SPG11: variants seen among roughly 807,000 people sequenced by gnomAD.
The protein encoded by SPG11 is SPG11 vesicle trafficking associated, spatacsin.
A neutral mutation model predicts 274.0 loss-of-function variants in SPG11; 222 were observed. The observed-to-expected ratio is 0.81, with a 90% CI of 0.73 to 0.91. The LOEUF (loss-of-function observed/expected upper bound fraction) is 0.91. SPG11 is among the 40% of genes least tolerant of loss of function. The pLI is 0.00. For synonymous variants in SPG11, 1,144 were observed against 1,039.7 expected (o/e 1.10, Z -1.93); for missense variants, 3,114 against 2,872.7 (o/e 1.08, Z -1.92).
At chr15:44,612,715 T>C (rs763042433) in intron 17 of SPG11, among the ~76,000 whole-genome samples, 4 of 152,162 alleles carry the variant, frequency 2.6e-5, no homozygotes, top group Admixed American at 6.5e-5. Flanking sequence ...TTCTTGATAG[T>C]TGTCTGTGGC....
At chr15:44,631,224 T>C (rs905621594) in intron 8 of SPG11, among the ~76,000 whole-genome samples, 2 of 152,166 alleles carry the variant, frequency 1.3e-5, no homozygotes, top group African/African-American at 2.4e-5. Flanking sequence ...AGAACTAGAA[T>C]AAATCTAAAT....
intron 3 of SPG11, 141 bp from the exon 4 acceptor site, chr15:44,657,437 C>T (rs1400108166): frequency 1.4e-6 from 1 of 719,028 alleles, no homozygotes; most frequent in African/African-American, 1.8e-5. Context: ...AGGCAAGCCC[C>T]CATTATAACA....
chr15:44,635,797 G>C (rs368977787), intron 7 of SPG11, among the ~76,000 whole-genome samples: 9 of 151,506 alleles, frequency 5.9e-5, no homozygotes, highest in East Asian at 5.8e-4. Flanking sequence ...TGCACCTGCA[G>C]TCCCAGCTAT....
At chr15:44,601,581 A>G (rs980120489) in intron 20 of SPG11, among the ~76,000 whole-genome samples, 2 of 144,566 alleles carry the variant, frequency 1.4e-5, no homozygotes, top group Admixed American at 7.0e-5. Flanking sequence ...TTTTTTAAAT[A>G]GAATCTTGCT....
intron 38 of SPG11, 126 bp from the exon 39 acceptor site, chr15:44,564,824 T>TA (rs2082277271): frequency 1.9e-6 from 2 of 1,059,360 alleles, no homozygotes; most frequent in African/African-American, 1.6e-5. Flanking sequence ...CCAATTATGT[T>TA]AAAAGGCTCT....
intron 20 of SPG11, among the ~76,000 whole-genome samples, chr15:44,602,934 CA>C (rs1016775354): frequency 1.3e-5 from 2 of 152,002 alleles, no homozygotes; most frequent in African/African-American, 4.8e-5. Context: ...TAAATAACTG[CA>C]AAAGGAGCTT....
chr15:44,566,253 C>A lies in SPG11; in HGVS notation c.6807G>T (p.Leu2269=), dbSNP rs754927652. 1 of 1,614,210 alleles carries A rather than the reference C, an allele frequency of 6.2e-7. No individual in the cohort carries two copies. Among genetic ancestry groups the A allele is most frequent in the Non-Finnish European group, 8.5e-7 (1 of 1,180,032 alleles). The change falls in exon 37 of 40, where the codon CTG becomes CTT. Residue 2269 remains leucine (L), a synonymous_variant. Coordinates refer to ENST00000261866, the MANE Select transcript of SPG11 (RefSeq NM_025137.4). ...TCTCTGCTGCATCCAACATCAGAGT[C>A]AGGGCCTTCAGCAGCAGTTGTTTCA... is the stretch of plus-strand genomic sequence containing the variant. ...HQLKQLLLKA[L]TLMLDAAESY...
intron 39 of SPG11, among the ~76,000 whole-genome samples, chr15:44,563,866 T>C (rs1332996709): frequency 6.6e-6 from 1 of 152,206 alleles, no homozygotes; most frequent in African/African-American, 2.4e-5. Context: ...GAGAGGGTGC[T>C]GGAGTCTGGG....
chr15:44,573,735 C>G lies in SPG11; in HGVS notation c.6017G>C (p.Cys2006Ser). The G allele has an allele frequency of 6.2e-7, 1 of 1,614,212 alleles. No individual in the cohort carries two copies. Among genetic ancestry groups the G allele is most frequent in the Admixed American group, 1.7e-5 (1 of 60,022 alleles). Residue 2006 changes from cysteine to serine, a missense_variant, in exon 32 of 40, where the codon TGT (cysteine) becomes TCT (serine). Cys to Ser is a moderately radical substitution (Grantham distance 112). Transcript: ENST00000261866. ...CLYDLAKELG[C>S]SYTDVAAQDG... ...CTGAGCAGCAACATCTGTGTAGGAA[C>G]AGCCCAACTCCTGAGAGGAAGACAA...
rs375777032 is a variant in SPG11, at chr15:44,574,718, C to G, written c.6006+184G>C. Among the ~76,000 whole-genome samples the G allele has an allele frequency of 2.0e-5, 3 of 152,182 alleles. 1 individual carries two copies. The East Asian group carries it at 5.8e-4, about 29-fold the overall frequency. ...GCCAGGAGTCAGATCGCCCTGGCAC[C>G]TGGCCTGGTGTCCTCCCCACCATTC... On this transcript the variant is annotated intron_variant, in intron 31 of 39. Coordinates refer to ENST00000261866, the MANE Select transcript of SPG11 (RefSeq NM_025137.4).
intron 7 of SPG11, among the ~76,000 whole-genome samples, 182 bp downstream of exon 7, chr15:44,648,683 CA>C (rs1202881598): frequency 2.0e-5 from 3 of 152,038 alleles, no homozygotes; most frequent in East Asian, 3.9e-4. Flanking sequence ...CTTTTAAAGC[CA>C]AAAAGGGTAA....
At chr15:44,608,422 A>AC (rs766548625) in intron 19 of SPG11, 22 bp downstream of exon 19, 13 of 1,613,080 alleles carry the variant, frequency 8.1e-6, no homozygotes, top group Non-Finnish European at 1.1e-5. Flanking sequence ...AGACCTAAAT[A>AC]TTGGCCACCT....
intron 4 of SPG11, among the ~76,000 whole-genome samples, chr15:44,654,717 TC>T (rs1010231616): frequency 6.6e-6 from 1 of 151,662 alleles, no homozygotes; most frequent in Non-Finnish European, 1.5e-5. Flanking sequence ...TGGTGGGTAA[TC>T]CCAGCTACTC....
intron 28 of SPG11, among the ~76,000 whole-genome samples, chr15:44,586,250 A>G (rs1304263451): frequency 6.6e-6 from 1 of 152,090 alleles, no homozygotes; most frequent in Non-Finnish European, 1.5e-5. Context: ...CTGGTTGACT[A>G]GCAGAGGAAG....
In SPG11 at chr15:44,633,615, A is replaced by G. The variant is rs761622804; in HGVS notation, c.1625T>C (p.Leu542Pro). 3 of 1,613,710 alleles carry G rather than the reference A, an allele frequency of 1.9e-6. No homozygotes were observed. The highest frequency in any genetic ancestry group is 1.7e-5 in the Admixed American group (1 of 59,960). ...ALEAGIENRQLDTVNFFLKSK... is the reference protein window; with the variant it reads ...ALEAGIENRQPDTVNFFLKSK... ...CTTCAAAAAGAAATTTACTGTGTCC[A>G]GCTGACGATTTTCTATCCCGGCCTG... Residue 542 changes from leucine (L) to proline (P), a missense_variant, in exon 8 of 40, where the codon CTG becomes CCG. Transcript: ENST00000261866.
chr15:44,621,096 C>T lies in SPG11; in HGVS notation c.2620+663G>A, dbSNP rs1420889174. 6 of 153,362 alleles carry T rather than the reference C, an allele frequency of 3.9e-5. No individual in the cohort carries two copies. The Admixed American group carries it at 3.9e-4, about 10-fold the overall frequency. The allele number at this position is 153,362 out of a possible 1,614,324, so 9.5% of individuals were successfully genotyped here. A position where few individuals can be genotyped will look rare whatever the true frequency, so the allele number is the denominator to read the frequency against. On this transcript the variant is annotated intron_variant, in intron 14 of 39. Transcript: ENST00000261866. ...TCAAGCAATCTTCTCATCTCGGTTT[C>T]CCAAATTTCTGGGATTACAGGTGTG...
At chr15:44,636,535 G>A (rs1307186253) in intron 7 of SPG11, among the ~76,000 whole-genome samples, 6 of 150,934 alleles carry the variant, frequency 4.0e-5, no homozygotes, top group Non-Finnish European at 8.9e-5. Flanking sequence ...GGTGGCGGGC[G>A]CCTATAATCC....
At chr15:44,663,079 T>C (rs1476582136) in intron 1 of SPG11, among the ~76,000 whole-genome samples, 1 of 152,266 alleles carries the variant, frequency 6.6e-6, no homozygotes, top group Non-Finnish European at 1.5e-5. Context: ...CTGTGTTGAA[T>C]AATGAAAGAA....
At chr15:44,646,540 T>C (rs2084615816) in intron 7 of SPG11, among the ~76,000 whole-genome samples, 1 of 152,004 alleles carries the variant, frequency 6.6e-6, no homozygotes, top group African/African-American at 2.4e-5. Flanking sequence ...CCTTGACACA[T>C]GGGGATTACA....
Sources: allele counts gnomAD v4.1 joint callset (sites outside exome capture counted in the v4.1 genomes callset), GRCh38; gene constraint gnomAD v4.1.1; transcripts MANE v1.5; gene names NCBI Gene and HGNC (gene_info 2026-07-23, HGNC 2026-07-21).